The following CACNA1C variants were observed in gnomAD, a reference collection of about 807,000 sequenced individuals.
The protein encoded by CACNA1C is calcium voltage-gated channel subunit alpha1 C.
In CACNA1C, 30 loss-of-function variants were observed where a neutral mutation model predicts 229.0. The ratio of observed to expected loss-of-function variants is 0.13; its 90% CI spans 0.10 to 0.18. The LOEUF is 0.18. Ranked by LOEUF, CACNA1C falls within the 10% of genes least tolerant of loss-of-function variation. The pLI is 1.00. For missense variants in CACNA1C, 1,658 were observed against 2,845.0 expected (o/e 0.58, Z 9.49); for synonymous variants, 1,114 against 1,132.5 (o/e 0.98, Z 0.33).
intron 4 of CACNA1C, among the ~76,000 whole-genome samples, chr12:2,456,749 T>TC (rs1341163869): frequency 6.6e-6 from 1 of 152,132 alleles, no homozygotes; most frequent in Non-Finnish European, 1.5e-5. Flanking sequence ...GCAGAGCCCC[T>TC]CCCCGCTCCT....
chr12:2,410,555 C>A lies in CACNA1C; in HGVS notation c.478-38421C>A, dbSNP rs1359760576. 6.6e-6 allele frequency among the ~76,000 whole-genome samples: 1 copy of A among 152,198 alleles called. No individual in the cohort carries two copies. Among genetic ancestry groups the A allele is most frequent in the Non-Finnish European group, 1.5e-5 (1 of 68,038 alleles). On this transcript the variant is annotated intron_variant, in intron 3 of 46. Coordinates refer to ENST00000399655, the MANE Select transcript of CACNA1C (RefSeq NM_000719.7). This position sits in a 1 kb window ranked among gnomAD's most constrained non-coding sequence, Gnocchi z 5.3. ...AAAATATGCTTGGAGTAAAAAGCATCTGGACCCTGTGCATGTGCGTGTGCA... is the reference window on the plus strand; with the variant it reads ...AAAATATGCTTGGAGTAAAAAGCATATGGACCCTGTGCATGTGCGTGTGCA...
At chr12:2,587,481 C>A (rs1175877585) in intron 18 of CACNA1C, among the ~76,000 whole-genome samples, 4 of 152,186 alleles carry the variant, frequency 2.6e-5, no homozygotes, top group African/African-American at 9.7e-5. Context: ...CAGCTGCAGC[C>A]AGGCCTGTAC....
chr12:2,413,890 T>A (rs2098835954), intron 3 of CACNA1C, among the ~76,000 whole-genome samples: 1 of 152,162 alleles, frequency 6.6e-6, no homozygotes, highest in Non-Finnish European at 1.5e-5. Flanking sequence ...ACTTCTTTGT[T>A]AGGGAACAGG....
chr12:2,343,793 A>C (rs749618512), intron 3 of CACNA1C, among the ~76,000 whole-genome samples: 1 of 152,238 alleles, frequency 6.6e-6, no homozygotes, highest in African/African-American at 2.4e-5. Flanking sequence ...TGTGGCCGCT[A>C]GCTGCAGAAA....
At chr12:2,339,705 A>G (rs934351038) in intron 3 of CACNA1C, among the ~76,000 whole-genome samples, 3 of 152,216 alleles carry the variant, frequency 2.0e-5, no homozygotes, top group Admixed American at 6.5e-5. Context: ...GCAGGTCATC[A>G]AGATGTCATG....
intron 3 of CACNA1C, among the ~76,000 whole-genome samples, chr12:2,241,562 C>G (rs1161071443): frequency 6.6e-6 from 1 of 152,142 alleles, no homozygotes; most frequent in Non-Finnish European, 1.5e-5. Flanking sequence ...TCCTCTGGGT[C>G]TTCCGAAGAC....
At chr12:2,245,731 C>T (rs1600515520) in intron 3 of CACNA1C, among the ~76,000 whole-genome samples, 1 of 152,304 alleles carries the variant, frequency 6.6e-6, no homozygotes, top group East Asian at 1.9e-4. Flanking sequence ...TCATCTGGGG[C>T]AGAGTTGTCC....
At chr12:2,331,091 G>A (rs898962427) in intron 3 of CACNA1C, among the ~76,000 whole-genome samples, 4 of 152,036 alleles carry the variant, frequency 2.6e-5, no homozygotes, top group Non-Finnish European at 5.9e-5. Flanking sequence ...AAAGAAATGC[G>A]AAGACTCTGA....
At position 2,633,683 on chromosome 12, in the gene CACNA1C, A is replaced by G. The variant is rs114851656; in HGVS notation, c.3829-614A>G. 2.8e-4 allele frequency: 443 copies of G among 1,610,260 alleles called. 1 individual carries two copies. In the African/African-American group the frequency reaches 4.7e-3, roughly 17 times the overall value. On this transcript the variant is annotated intron_variant, in intron 29 of 46. Coordinates refer to ENST00000399655, the MANE Select transcript of CACNA1C (RefSeq NM_000719.7). The surrounding 1 kb of genome is among the most constrained non-coding windows in gnomAD (Gnocchi z 5.8). The stretch of plus-strand genomic sequence containing the variant: ...TGACTTCCTCATCGTAATTGGCAGC[A>G]TAATTGACGTCATTCTCAGTGAGAC...
intron 3 of CACNA1C, among the ~76,000 whole-genome samples, chr12:2,352,797 A>T (rs2154527461): frequency 1.3e-5 from 2 of 152,170 alleles, no homozygotes; most frequent in Middle Eastern, 3.4e-3. Context: ...ACTAACCCTG[A>T]CCTACCTCTT....
intron 21 of CACNA1C, among the ~76,000 whole-genome samples, chr12:2,599,370 A>G (rs1296762291): frequency 6.6e-6 from 1 of 152,174 alleles, no homozygotes; most frequent in African/African-American, 2.4e-5. Flanking sequence ...CATTTAGCAC[A>G]AGGAACAGTG....
Position 2,665,547 on chromosome 12 carries a change from T to C in CACNA1C, c.4399-34T>C. 6.2e-7 allele frequency: 1 copy of C among 1,610,354 alleles called. No individual in the cohort carries two copies. Among genetic ancestry groups the C allele is most frequent in the South Asian group, 1.1e-5 (1 of 90,788 alleles). ...CCAGAGGCAGGTGTGTAGGAAGGTC[T>C]TCTCACAGCACCTCATTGTACTGTT... On this transcript the variant is annotated intron_variant, in intron 35 of 46. Transcript: ENST00000399655. This position sits in a 1 kb window ranked among gnomAD's most constrained non-coding sequence, Gnocchi z 5.9.
intron 1 of CACNA1C, among the ~76,000 whole-genome samples, chr12:2,076,049 T>G (rs1422532606): frequency 6.6e-6 from 1 of 152,172 alleles, no homozygotes; most frequent in East Asian, 1.9e-4. Context: ...GGCAGCCTGA[T>G]ACATAGGGCC....
intron 7 of CACNA1C, among the ~76,000 whole-genome samples, chr12:2,499,663 T>G (rs1453668543): frequency 6.6e-6 from 1 of 152,144 alleles, no homozygotes; most frequent in African/African-American, 2.4e-5. Flanking sequence ...TGCCAGTACT[T>G]GGGCCTGGAG....
intron 3 of CACNA1C, among the ~76,000 whole-genome samples, chr12:2,253,876 C>G (rs559904743): frequency 1.3e-5 from 2 of 152,174 alleles, no homozygotes; most frequent in Non-Finnish European, 2.9e-5. Flanking sequence ...AACCTTCTGT[C>G]TCACATGCCT....
chr12:2,144,526 TTCTA>T (rs1471292487), intron 3 of CACNA1C, among the ~76,000 whole-genome samples: 3 of 151,440 alleles, frequency 2.0e-5, no homozygotes, highest in African/African-American at 4.8e-5. Context: ...TAGGGCATCC[TTCTA>T]TCTAAGGGAG....
In CACNA1C at chr12:2,677,515, T is replaced by TA; in HGVS notation, c.4957-216dup. On this transcript the variant is annotated intron_variant, in intron 40 of 46. Transcript: ENST00000399655. This position sits in a 1 kb window ranked among gnomAD's most constrained non-coding sequence, Gnocchi z 7.4. Reference sequence around the variant, plus strand: ...GCCCCTGACCCCTGGTGCCCCGTCCTAATGAGCCTTCATCCCTCCTGGATG... The same window carrying TA: ...GCCCCTGACCCCTGGTGCCCCGTCCTAAATGAGCCTTCATCCCTCCTGGATG... 1.6e-6 allele frequency: 1 copy of TA among 630,330 alleles called. No individual in the cohort carries two copies. The highest frequency in any genetic ancestry group is 2.0e-5 in the South Asian group (1 of 49,476). 39.0% of individuals were successfully genotyped at this position (630,330 alleles called of 1,614,324 possible).
At chr12:2,301,279 A>G (rs751370666) in intron 3 of CACNA1C, among the ~76,000 whole-genome samples, 4 of 152,162 alleles carry the variant, frequency 2.6e-5, no homozygotes, top group Non-Finnish European at 5.9e-5. Context: ...TCTGTCCCAG[A>G]AGTCAGCTCC....
chr12:2,179,062 AAAAT>A (rs143622353), intron 3 of CACNA1C, among the ~76,000 whole-genome samples: 50,676 of 151,542 alleles, frequency 0.33, 9,167 homozygotes, highest in South Asian at 0.42. Context: ...ACTCTGTCTC[AAAAT>A]AAATAAATAA....
Sources: allele counts gnomAD v4.1 joint callset (sites outside exome capture counted in the v4.1 genomes callset), GRCh38; gene constraint gnomAD v4.1.1; non-coding constraint Gnocchi (gnomAD v3.1); transcripts MANE v1.5; gene names NCBI Gene and HGNC (gene_info 2026-07-23, HGNC 2026-07-21).